Variants in PTHLH observed in about 807,000 individuals in gnomAD.
PTHLH encodes the protein parathyroid hormone like hormone, also known as parathyroid hormone-related protein.
PTHLH carries 5 observed loss-of-function variants against 18.6 expected under a neutral mutation model. That is an observed-to-expected ratio of 0.27 (90% CI 0.14 to 0.56). The LOEUF is 0.56. PTHLH is among the 20% of genes least tolerant of loss of function. The pLI is 0.92. For synonymous variants in PTHLH, 90 were observed against 94.0 expected, an observed-to-expected ratio of 0.96 and a Z score of 0.25; for missense variants, 207 against 223.9, an observed-to-expected ratio of 0.92 and a Z score of 0.48.
In PTHLH at chr12:27,972,710, C is replaced by T. The variant is rs1237913747; in HGVS notation, c.-546G>A. ...AAGGCAATTATTAGAAAGCAGGTAC[C>T]TCTTCCAAGCTGCCCTGTTTATTAC... is the stretch of plus-strand genomic sequence containing the variant. On this transcript the variant is annotated 5_prime_UTR_variant, in exon 1 of 6. Coordinates refer to ENST00000545234, the MANE Select transcript of PTHLH (RefSeq NM_198965.2). 1 of 152,154 alleles carries T rather than the reference C, an allele frequency of 6.6e-6. No homozygotes were observed. The highest frequency in any genetic ancestry group is 1.5e-5 in the Non-Finnish European group (1 of 68,032). The allele number at this position is 152,154 out of a possible 1,614,324, so 9.4% of individuals were successfully genotyped here.
In PTHLH at chr12:27,970,194, T is replaced by G; in HGVS notation, c.-192A>C. Reference sequence around the variant, plus strand: ...GCCCCGCTTCACGGGCGGGGAGACATGCTGGCCGGGCGGCGCAGGTTGGAG... The same window carrying G: ...GCCCCGCTTCACGGGCGGGGAGACAGGCTGGCCGGGCGGCGCAGGTTGGAG... On this transcript the variant is annotated 5_prime_UTR_variant, in exon 3 of 6. An upstream start codon of the reference 5' UTR is lost. Transcript: ENST00000545234. 2.0e-6 allele frequency: 1 copy of G among 511,078 alleles called. No homozygotes were observed. The highest frequency in any genetic ancestry group is 1.4e-5 in the South Asian group (1 of 70,758). 31.7% of individuals were successfully genotyped at this position (511,078 alleles called of 1,614,324 possible).
chr12:27,969,914 T>C (rs2062853940), intron 3 of PTHLH, 111 bp downstream of exon 3: 1 of 520,422 alleles, frequency 1.9e-6, no homozygotes, highest in South Asian at 1.4e-5. Flanking sequence ...AACCGCCTCC[T>C]AAAAGAAGAA....
intron 5 of PTHLH, chr12:27,962,177 T>C (rs1345279647): frequency 2.2e-6 from 1 of 461,622 alleles, no homozygotes; most frequent in Admixed American, 4.0e-5. Context: ...GCTTTCTATT[T>C]TATAAAATGG....
chr12:27,960,886 T>C (rs1160048134), intron 5 of PTHLH, among the ~76,000 whole-genome samples: 1 of 152,146 alleles, frequency 6.6e-6, no homozygotes, highest in Non-Finnish European at 1.5e-5. Context: ...TTAGGTATTC[T>C]GAAAAGATTT....
chr12:27,968,316 GCC>G (rs2062835518), intron 4 of PTHLH, among the ~76,000 whole-genome samples: 1 of 152,136 alleles, frequency 6.6e-6, no homozygotes, highest in East Asian at 1.9e-4. Flanking sequence ...TAAAACAGTT[GCC>G]TTTTTGTACA....
chr12:27,971,290 A>C (rs1450308894), intron 2 of PTHLH, among the ~76,000 whole-genome samples: 2 of 152,066 alleles, frequency 1.3e-5, no homozygotes, highest in Non-Finnish European at 2.9e-5. Context: ...TTCTTTCCAA[A>C]GCTAATGGGC....
rs1565527390 is a variant in PTHLH at position 27,972,574 on chromosome 12, A to G, written c.-410T>C. The G allele has an allele frequency of 1.3e-5, 2 of 152,214 alleles. No homozygotes were observed. Among genetic ancestry groups the G allele is most frequent in the East Asian group, 3.8e-4 (2 of 5,204 alleles). The allele number at this position is 152,214 out of a possible 1,614,324, so 9.4% of individuals were successfully genotyped here. On this transcript the variant is annotated 5_prime_UTR_variant, in exon 1 of 6. Coordinates refer to ENST00000545234, the MANE Select transcript of PTHLH (RefSeq NM_198965.2). ...CTGCTCTTCTGGCTGAAAGAGGGAA[A>G]TCTTCTCAGCAGTCTTTTCCAGAAA...
intron 5 of PTHLH, among the ~76,000 whole-genome samples, chr12:27,959,329 T>C (rs2120594505): frequency 6.6e-6 from 1 of 152,356 alleles, no homozygotes; most frequent in East Asian, 1.9e-4. Context: ...AATGCGGGAA[T>C]AATTAAGAAT....
intron 3 of PTHLH, 35 bp from the exon 4 acceptor site, chr12:27,969,551 C>G: frequency 2.0e-6 from 3 of 1,495,320 alleles, no homozygotes; most frequent in Non-Finnish European, 2.7e-6. Context: ...GAGTGTCAGT[C>G]TGGACTCTCC....
intron 5 of PTHLH, among the ~76,000 whole-genome samples, chr12:27,959,567 T>C (rs1008061053): frequency 6.6e-6 from 1 of 152,220 alleles, no homozygotes; most frequent in Non-Finnish European, 1.5e-5. Context: ...GGAATTTGAT[T>C]GGCTATGTCA....
chr12:27,960,586 C>A (rs762638069), intron 5 of PTHLH, among the ~76,000 whole-genome samples: 1 of 150,988 alleles, frequency 6.6e-6, no homozygotes, highest in Non-Finnish European at 1.5e-5. Flanking sequence ...GGCATGGTGG[C>A]GGGTGCCTGC....
At chr12:27,969,556 C>T in intron 3 of PTHLH, 40 bp from the exon 4 acceptor site, 1 of 1,458,012 alleles carries the variant, frequency 6.9e-7, no homozygotes, top group Non-Finnish European at 9.4e-7. Flanking sequence ...TCAGTCTGGA[C>T]TCTCCATCTC....
intron 5 of PTHLH, among the ~76,000 whole-genome samples, chr12:27,961,276 CATATATATACGTATATATATATACGTAT>C (rs1161531877): frequency 1.9e-5 from 1 of 52,750 alleles, no homozygotes; most frequent in Non-Finnish European, 4.0e-5. Flanking sequence ...TTTTATAACT[CATATATATACGTATATATATATACGTAT>C]ATATATATAT....
rs566241998 is a variant in PTHLH at position 27,961,189 on chromosome 12, T to G, written c.524+2159A>C. 5.3e-5 allele frequency among the ~76,000 whole-genome samples: 8 copies of G among 150,972 alleles called. No homozygotes were observed. The East Asian group carries it at 1.6e-3, about 29-fold the overall frequency. ...CGTAAGAATTGACGAGTGTTAATTT[T>G]CATCAATTCTCCAGATACTTAAAGA... On this transcript the variant is annotated intron_variant, in intron 5 of 5. Coordinates refer to ENST00000545234, the MANE Select transcript of PTHLH (RefSeq NM_198965.2).
chr12:27,969,400 C>T lies in PTHLH; in HGVS notation c.95G>A (p.Arg32His), dbSNP rs768349756. 44 of 1,578,736 alleles carry T rather than the reference C, an allele frequency of 2.8e-5. No individual in the cohort carries two copies. The highest frequency in any genetic ancestry group is 7.1e-5 in the Admixed American group (4 of 56,536). The change falls in exon 4 of 6, where the codon CGC (arginine) becomes CAC (histidine). Residue 32 changes from arginine to histidine, a missense_variant. Transcript: ENST00000545234. ...GGGAGGATGGGGCACTTACAGGCGG[C>T]GGCTGAGACCCTCCACCGAGCGCCC... is the stretch of plus-strand genomic sequence containing the variant. ...SCGRSVEGLS[R>H]RLKRAVSEHQ...
In PTHLH at chr12:27,972,733, T is replaced by A. The variant is rs2062879256; in HGVS notation, c.-569A>T. 6.6e-6 allele frequency: 1 copy of A among 152,240 alleles called. No individual in the cohort carries two copies. The highest frequency in any genetic ancestry group is 1.5e-5 in the Non-Finnish European group (1 of 68,046). 9.4% of individuals were successfully genotyped at this position (152,240 alleles called of 1,614,324 possible). ...ACCTCTTCCAAGCTGCCCTGTTTAT[T>A]ACTTTCCGTAGAAATTCTCCTCAAT... On this transcript the variant is annotated 5_prime_UTR_variant, in exon 1 of 6. Transcript: ENST00000545234.
chr12:27,967,931 A>T (rs2120660524), intron 4 of PTHLH, among the ~76,000 whole-genome samples: 1 of 152,336 alleles, frequency 6.6e-6, no homozygotes, highest in African/African-American at 2.4e-5. Context: ...AAAAGAGAAA[A>T]CAGGTATTTC....
At chr12:27,969,607 A>C in intron 3 of PTHLH, 91 bp from the exon 4 acceptor site, 1 of 1,153,604 alleles carries the variant, frequency 8.7e-7, no homozygotes. Flanking sequence ...CGCTCTCAAA[A>C]AGCCTCTTCA....
Position 27,969,741 on chromosome 12 carries a change from A to G in PTHLH, c.-22-225T>C, listed in dbSNP as rs6243. The G allele has an allele frequency of 3.3e-4, 240 of 724,466 alleles. 2 individuals are homozygous for G. The highest frequency in any genetic ancestry group is 1.9e-3 in the South Asian group (143 of 73,464). 44.9% of individuals were successfully genotyped at this position (724,466 alleles called of 1,614,324 possible). ...CCAAACCACACAGCCAGAAAGAGCA[A>G]AAAGGGAAAAAAGAAACAAATCAGA... On this transcript the variant is annotated intron_variant, in intron 3 of 5. Coordinates refer to ENST00000545234, the MANE Select transcript of PTHLH (RefSeq NM_198965.2).
Sources: gnomAD v4.1 joint callset for allele counts (sites outside exome capture counted in the v4.1 genomes callset) on GRCh38, gnomAD v4.1.1 for gene constraint, MANE v1.5 for transcripts, NCBI Gene and HGNC (gene_info 2026-07-23, HGNC 2026-07-21) for gene names.